PTPRD: variants seen among roughly 807,000 people sequenced by gnomAD.
PTPRD encodes protein tyrosine phosphatase receptor type D, also known as receptor-type tyrosine-protein phosphatase delta.
A neutral mutation model predicts 214.5 loss-of-function variants in PTPRD; 34 were observed. That is an observed-to-expected ratio of 0.16 (90% CI 0.12 to 0.21). The LOEUF is 0.21. Ranked by LOEUF, PTPRD falls within the 10% of genes least tolerant of loss-of-function variation. PTPRD has a pLI of 1.00. For synonymous variants in PTPRD, 1,128 were observed against 845.7 expected (o/e 1.33, Z -5.79); for missense variants, 2,545 against 2,398.7 (o/e 1.06, Z -1.27).
chr9:9,359,076 C>G (rs192620787), intron 9 of PTPRD, among the ~76,000 whole-genome samples: 1 of 151,316 alleles, frequency 6.6e-6, no homozygotes, highest in African/African-American at 2.4e-5. Context: ...GCCATTATCT[C>G]AAACTGTGAA....
chr9:8,528,619 G>A lies in PTPRD; in HGVS notation c.513C>T (p.Asn171=), dbSNP rs768192687. The change falls in exon 15 of 46, where the codon AAC becomes AAT. Residue 171 remains asparagine, a synonymous_variant. Transcript: ENST00000381196. Reference sequence around the variant, plus strand: ...ATCGTAACTGCTTAATACGACCATTGTTGTTGCTTGTGTCCACAGGTAAGA... The same window carrying A: ...ATCGTAACTGCTTAATACGACCATTATTGTTGCTTGTGTCCACAGGTAAGA... The part of the protein sequence containing the change: ...KDFLPVDTSN[N]NGRIKQLRSE... 3 of 1,613,694 alleles carry A rather than the reference G, an allele frequency of 1.9e-6. No individual in the cohort carries two copies. Among genetic ancestry groups the A allele is most frequent in the South Asian group, 1.1e-5 (1 of 91,072 alleles).
chr9:8,558,014 T>G (rs1024570770), intron 14 of PTPRD, among the ~76,000 whole-genome samples: 4 of 152,100 alleles, frequency 2.6e-5, no homozygotes, highest in African/African-American at 7.2e-5. Flanking sequence ...AAAAAAATTA[T>G]GTAACTAATT....
At chr9:8,994,649 A>G (rs1363468939) in intron 11 of PTPRD, among the ~76,000 whole-genome samples, 1 of 151,924 alleles carries the variant, frequency 6.6e-6, no homozygotes, top group African/African-American at 2.4e-5. Flanking sequence ...AGACAATTAC[A>G]ATTACGGTTG....
chr9:10,532,151 C>T (rs1384134540), intron 2 of PTPRD: 2 of 152,002 alleles, frequency 1.3e-5, no homozygotes, highest in African/African-American at 4.8e-5. Context: ...ACTTCAGTGC[C>T]ACACCCACCT....
chr9:10,088,689 T>C (rs2098389782), intron 3 of PTPRD, among the ~76,000 whole-genome samples: 1 of 151,828 alleles, frequency 6.6e-6, no homozygotes, highest in African/African-American at 2.4e-5. Flanking sequence ...CTCTTTATTT[T>C]AGTTTCCTTG....
At chr9:10,162,520 T>C (rs1489778863) in intron 3 of PTPRD, among the ~76,000 whole-genome samples, 1 of 150,588 alleles carries the variant, frequency 6.6e-6, no homozygotes, top group Non-Finnish European at 1.5e-5. Flanking sequence ...AGACAGTAAA[T>C]TGGTGTTTTC....
At chr9:9,916,845 A>AT (rs577984392) in intron 5 of PTPRD, among the ~76,000 whole-genome samples, 84 of 152,138 alleles carry the variant, frequency 5.5e-4, no homozygotes, top group Non-Finnish European at 8.7e-4. Context: ...AAGTTTAAAT[A>AT]TTTTTTAATC....
At chr9:10,472,363 C>G (rs2099036556) in intron 2 of PTPRD, among the ~76,000 whole-genome samples, 1 of 152,110 alleles carries the variant, frequency 6.6e-6, no homozygotes, top group Admixed American at 6.6e-5. Flanking sequence ...TGTTAAGTTT[C>G]ACATTACAGA....
chr9:9,337,512 T>C lies in PTPRD; in HGVS notation c.-203+59937A>G, dbSNP rs189020870. 3.6e-3 allele frequency among the ~76,000 whole-genome samples: 549 copies of C among 152,328 alleles called. 4 individuals carry two copies. Among genetic ancestry groups the C allele is most frequent in the African/African-American group, 0.013 (531 of 41,578 alleles). On this transcript the variant is annotated intron_variant, in intron 9 of 45. Transcript: ENST00000381196. ...CAGGGGATGATTTTACTTAGAGTTA[T>C]GTTTCTCACTTTAAATTAATAAATG...
At chr9:9,779,641 A>G (rs546371716) in intron 5 of PTPRD, among the ~76,000 whole-genome samples, 1 of 152,342 alleles carries the variant, frequency 6.6e-6, no homozygotes, top group Non-Finnish European at 1.5e-5. Context: ...AATGCCAATC[A>G]AAACCACAGT....
At chr9:8,831,254 C>G (rs1273121783) in intron 11 of PTPRD, among the ~76,000 whole-genome samples, 1 of 152,166 alleles carries the variant, frequency 6.6e-6, no homozygotes, top group Non-Finnish European at 1.5e-5. Context: ...ATTCTCTTTT[C>G]TGATGATTAT....
At chr9:8,700,396 T>C (rs10481623) in intron 12 of PTPRD, among the ~76,000 whole-genome samples, 1 of 152,092 alleles carries the variant, frequency 6.6e-6, no homozygotes, top group South Asian at 2.1e-4. Flanking sequence ...ATCATCATGA[T>C]GTACTTAAAT....
intron 2 of PTPRD, among the ~76,000 whole-genome samples, chr9:10,596,869 G>A (rs181810932): frequency 5.3e-4 from 81 of 151,536 alleles, no homozygotes; most frequent in African/African-American, 1.9e-3. Flanking sequence ...CATGAAAAAC[G>A]TGCAATACAT....
At chr9:8,331,467 G>A in intron 44 of PTPRD, 115 bp downstream of exon 44, 1 of 1,191,214 alleles carries the variant, frequency 8.4e-7, no homozygotes, top group Middle Eastern at 2.4e-4. Flanking sequence ...TTTAAGTTTT[G>A]TAATACATTG....
At chr9:9,891,333 A>G (rs2073251834) in intron 5 of PTPRD, among the ~76,000 whole-genome samples, 1 of 151,994 alleles carries the variant, frequency 6.6e-6, no homozygotes, top group Non-Finnish European at 1.5e-5. Flanking sequence ...CCAAAGAGAT[A>G]TTAAGTTTGA....
intron 3 of PTPRD, among the ~76,000 whole-genome samples, chr9:10,241,397 A>G (rs901639135): frequency 6.6e-6 from 1 of 152,000 alleles, no homozygotes; most frequent in Non-Finnish European, 1.5e-5. Context: ...AGACTTGTAA[A>G]TAAACGTTCA....
intron 3 of PTPRD, among the ~76,000 whole-genome samples, chr9:10,151,525 T>C (rs1056147856): frequency 6.6e-6 from 1 of 152,026 alleles, no homozygotes; most frequent in African/African-American, 2.4e-5. Flanking sequence ...CCTCCCAAAG[T>C]GCTGGGATTA....
intron 14 of PTPRD, among the ~76,000 whole-genome samples, chr9:8,596,973 G>A (rs1279964246): frequency 2.0e-5 from 3 of 152,120 alleles, no homozygotes; most frequent in Non-Finnish European, 2.9e-5. Flanking sequence ...ATATTACTGT[G>A]CTGTTAACAG....
intron 9 of PTPRD, among the ~76,000 whole-genome samples, chr9:9,301,267 G>A (rs1331439324): frequency 6.6e-6 from 1 of 151,806 alleles, no homozygotes; most frequent in African/African-American, 2.4e-5. Context: ...ATAATCAAGA[G>A]CTGTCAAAAC....
Sources: allele counts gnomAD v4.1 joint callset (sites outside exome capture counted in the v4.1 genomes callset), GRCh38; gene constraint gnomAD v4.1.1; transcripts MANE v1.5; gene names NCBI Gene and HGNC (gene_info 2026-07-23, HGNC 2026-07-21).